The following IMMP2L variants were observed in gnomAD, a reference collection of about 807,000 sequenced individuals.
The protein encoded by IMMP2L is inner mitochondrial membrane peptidase subunit 2, also known as mitochondrial inner membrane protease subunit 2.
A neutral mutation model predicts 19.3 loss-of-function variants in IMMP2L; 18 were observed. The ratio of observed to expected loss-of-function variants is 0.93; its 90% CI spans 0.64 to 1.38. The LOEUF (loss-of-function observed/expected upper bound fraction) is 1.38. Among genes scored for constraint, IMMP2L ranks in the 40% most tolerant of loss-of-function variants. The pLI, the probability that IMMP2L is intolerant of heterozygous loss-of-function variation, is 0.00. For missense variants in IMMP2L, 233 were observed against 218.2 expected (o/e 1.07, Z -0.43); for synonymous variants, 76 against 73.0 (o/e 1.04, Z -0.21).
intron 1 of IMMP2L, among the ~76,000 whole-genome samples, chr7:111,555,174 T>C (rs1173585240): frequency 2.6e-5 from 4 of 152,158 alleles, no homozygotes; most frequent in East Asian, 1.9e-4. Flanking sequence ...ATGATTTTTA[T>C]GTTTGTTATC....
intron 3 of IMMP2L, chr7:111,091,330 C>A (rs777156878): frequency 6.6e-6 from 1 of 152,100 alleles, no homozygotes; most frequent in African/African-American, 2.4e-5. Flanking sequence ...GATAAGATTG[C>A]GTGCATGTGT....
intron 3 of IMMP2L, among the ~76,000 whole-genome samples, chr7:111,433,909 A>C (rs1836882590): frequency 1.3e-5 from 2 of 151,938 alleles, no homozygotes; most frequent in South Asian, 4.1e-4. Flanking sequence ...CTATTAAATT[A>C]CTAACATCAT....
intron 3 of IMMP2L, among the ~76,000 whole-genome samples, chr7:111,251,454 T>C (rs936837801): frequency 1.3e-5 from 2 of 152,106 alleles, no homozygotes; most frequent in Admixed American, 1.3e-4. Flanking sequence ...CTTGCGCACA[T>C]ATGTTCCATG....
chr7:111,348,978 T>C (rs1827860135), intron 3 of IMMP2L, among the ~76,000 whole-genome samples: 1 of 152,186 alleles, frequency 6.6e-6, no homozygotes, highest in Non-Finnish European at 1.5e-5. Context: ...CCTTCCCAAG[T>C]AGACTGAGTT....
At chr7:110,818,491 T>C (rs1363729849) in intron 5 of IMMP2L, among the ~76,000 whole-genome samples, 2 of 152,084 alleles carry the variant, frequency 1.3e-5, no homozygotes, top group South Asian at 2.1e-4. Flanking sequence ...TGTGGAGAAA[T>C]AGGAACACTT....
intron 3 of IMMP2L, among the ~76,000 whole-genome samples, chr7:111,329,061 G>A (rs1042504235): frequency 4.0e-5 from 6 of 151,738 alleles, no homozygotes; most frequent in South Asian, 2.1e-4. Flanking sequence ...TTAAAAGATC[G>A]TCACATCTTT....
intron 3 of IMMP2L, among the ~76,000 whole-genome samples, chr7:111,448,385 G>C (rs1274598117): frequency 9.9e-5 from 15 of 151,466 alleles, no homozygotes; most frequent in Non-Finnish European, 1.5e-4. Flanking sequence ...AATCAAACTA[G>C]AACTCAGGAT....
At chr7:110,914,747 A>G (rs1813412389) in intron 4 of IMMP2L, among the ~76,000 whole-genome samples, 1 of 152,044 alleles carries the variant, frequency 6.6e-6, no homozygotes, top group Non-Finnish European at 1.5e-5. Flanking sequence ...CAGCAAGTTT[A>G]GTATGAGTTT....
intron 3 of IMMP2L, chr7:111,392,865 T>A (rs1832503246): frequency 2.2e-6 from 1 of 456,284 alleles, no homozygotes; most frequent in Admixed American, 2.4e-5. Flanking sequence ...TCTAGTGAGG[T>A]CTGGAAGGGT....
rs113368172 is a variant in IMMP2L, at chr7:111,021,934, A to T, written c.240-58369T>A. On this transcript the variant is annotated intron_variant, in intron 3 of 5. Coordinates refer to ENST00000405709, the MANE Select transcript of IMMP2L (RefSeq NM_032549.4). Reference sequence around the variant, plus strand: ...AAGCATCCGATCTCCTGAGACAGCAAGGGAAAGACCCGCCCCCATGATTCA... The same window carrying T: ...AAGCATCCGATCTCCTGAGACAGCATGGGAAAGACCCGCCCCCATGATTCA... Among the ~76,000 whole-genome samples the T allele has an allele frequency of 6.0e-4, 92 of 152,286 alleles. 1 individual carries two copies. The highest frequency in any genetic ancestry group is 2.1e-3 in the African/African-American group (87 of 41,556).
At chr7:111,172,146 TA>T (rs1806514814) in intron 3 of IMMP2L, among the ~76,000 whole-genome samples, 1 of 151,520 alleles carries the variant, frequency 6.6e-6, no homozygotes, top group Non-Finnish European at 1.5e-5. Context: ...TGTCAGTTGC[TA>T]AACCTGTTTG....
intron 3 of IMMP2L, among the ~76,000 whole-genome samples, chr7:111,140,697 C>G (rs1200684696): frequency 1.3e-5 from 2 of 152,160 alleles, no homozygotes; most frequent in Non-Finnish European, 2.9e-5. Flanking sequence ...GGATGTAGAA[C>G]TGAAAATATT....
chr7:111,464,783 T>TTTTTA (rs1432660192), intron 3 of IMMP2L, among the ~76,000 whole-genome samples: 1 of 152,030 alleles, frequency 6.6e-6, no homozygotes, highest in African/African-American at 2.4e-5. Flanking sequence ...AGCCAACTCT[T>TTTTTA]TTTTATTTTA....
rs1404104368 is a variant in IMMP2L, at chr7:111,281,247, GAGAGAGAGAGAA to G, written c.239+205979_239+205990del. On this transcript the variant is annotated intron_variant, in intron 3 of 5. Coordinates refer to ENST00000405709, the MANE Select transcript of IMMP2L (RefSeq NM_032549.4). ...AAGAAAGAAAGAAAGAAAGAAAGAA[GAGAGAGAGAGAA>G]AGAGAGAGAGAAAGAAAGAGAAGGA... Among the ~76,000 whole-genome samples, 26 of 130,282 alleles carry G rather than the reference GAGAGAGAGAGAA, an allele frequency of 2.0e-4. 2 individuals are homozygous for G. The highest frequency in any genetic ancestry group is 4.6e-4 in the African/African-American group (14 of 30,676). 85.5% of individuals were successfully genotyped at this position (130,282 alleles called of 152,430 possible). A position where few individuals can be genotyped will look rare whatever the true frequency, so the allele number is the denominator to read the frequency against.
intron 5 of IMMP2L, among the ~76,000 whole-genome samples, chr7:110,818,588 A>G (rs1802750263): frequency 6.6e-6 from 1 of 152,122 alleles, no homozygotes; most frequent in Non-Finnish European, 1.5e-5. Flanking sequence ...TAGAAATACC[A>G]TTTGACCCAG....
intron 3 of IMMP2L, among the ~76,000 whole-genome samples, chr7:111,333,510 G>A (rs1241779159): frequency 1.3e-5 from 2 of 151,990 alleles, no homozygotes; most frequent in Non-Finnish European, 2.9e-5. Flanking sequence ...AGTTGACAAG[G>A]GGTCGACTTG....
intron 3 of IMMP2L, among the ~76,000 whole-genome samples, chr7:111,174,351 G>C (rs1384890942): frequency 6.6e-6 from 1 of 151,632 alleles, no homozygotes; most frequent in Non-Finnish European, 1.5e-5. Context: ...GCTGGCGAGT[G>C]TCAAAACCTA....
intron 3 of IMMP2L, among the ~76,000 whole-genome samples, chr7:111,418,980 T>C (rs995398669): frequency 1.3e-5 from 2 of 151,878 alleles, no homozygotes; most frequent in Non-Finnish European, 2.9e-5. Context: ...CAATATTGTG[T>C]TGCGAAGATA....
intron 5 of IMMP2L, among the ~76,000 whole-genome samples, chr7:110,830,119 C>A (rs762012456): frequency 3.3e-5 from 5 of 151,988 alleles, no homozygotes; most frequent in Admixed American, 1.3e-4. Flanking sequence ...CACTAACATC[C>A]CAGGTTACCG....
Sources: gnomAD v4.1 joint callset for allele counts (sites outside exome capture counted in the v4.1 genomes callset) on GRCh38, gnomAD v4.1.1 for gene constraint, MANE v1.5 for transcripts, NCBI Gene and HGNC (gene_info 2026-07-23, HGNC 2026-07-21) for gene names.